The following CPNE2 variants were observed in gnomAD, a reference collection of about 807,000 sequenced individuals.
CPNE2 encodes copine-2.
A neutral mutation model predicts 69.7 loss-of-function variants in CPNE2; 42 were observed. That is an observed-to-expected ratio of 0.60 (90% CI 0.47 to 0.78). The LOEUF (loss-of-function observed/expected upper bound fraction) is 0.78, where lower values mean the gene tolerates loss of function less well. CPNE2 is among the 30% of genes least tolerant of loss of function. The probability of loss-of-function intolerance (pLI) is 0.00; values close to 1 mark genes in which losing one functional copy is unlikely to be tolerated. For missense variants in CPNE2, 587 were observed against 732.0 expected, an observed-to-expected ratio of 0.80 and a Z score of 2.29; for synonymous variants, 294 against 289.8, an observed-to-expected ratio of 1.01 and a Z score of -0.15.
At position 57,113,390 on chromosome 16, in the gene CPNE2, C is replaced by T; in HGVS notation, c.283C>T (p.Leu95Phe). 6.2e-7 allele frequency: 1 copy of T among 1,614,214 alleles called. No individual in the cohort carries two copies. The highest frequency in any genetic ancestry group is 1.1e-5 in the South Asian group (1 of 91,088). Residue 95 changes from leucine (L) to phenylalanine (F), a missense_variant, in exon 3 of 16, where the codon CTC becomes TTC. Leu to Phe is a conservative substitution (Grantham distance 22). Around this residue, in one of 5 missense-constraint regions of CPNE2, gnomAD observed 34 missense variants for 67.1 expected, o/e 0.51. Coordinates refer to ENST00000290776, the MANE Select transcript of CPNE2 (RefSeq NM_152727.6). The part of the protein sequence containing the change: ...FEEVQKLKFA[L>F]FDQDKSSMRL... ...GGAGGTACAGAAGCTCAAGTTCGCGCTCTTTGACCAGGACAAGTCCAGTAT... is the reference window on the plus strand; with the variant it reads ...GGAGGTACAGAAGCTCAAGTTCGCGTTCTTTGACCAGGACAAGTCCAGTAT...
intron 12 of CPNE2, among the ~76,000 whole-genome samples, chr16:57,133,629 C>G (rs2069854642): frequency 6.6e-6 from 1 of 152,194 alleles, no homozygotes; most frequent in South Asian, 2.1e-4. Context: ...AAGCCCTCCT[C>G]CTGCAGCTGA....
At chr16:57,107,079 A>G (rs1341859000) in intron 1 of CPNE2, among the ~76,000 whole-genome samples, 1 of 152,144 alleles carries the variant, frequency 6.6e-6, no homozygotes, top group South Asian at 2.1e-4. Context: ...AATGGGGGCA[A>G]TTGTCCTGCA....
chr16:57,144,946 A>AG (rs1401649613), intron 14 of CPNE2: 3 of 152,096 alleles, frequency 2.0e-5, no homozygotes, highest in Non-Finnish European at 4.4e-5. Flanking sequence ...TAAAAAAAAA[A>AG]GAAAAAAGAG....
intron 14 of CPNE2, chr16:57,144,324 C>G (rs1343360602): frequency 6.6e-6 from 1 of 152,384 alleles, no homozygotes. Flanking sequence ...ACAGCTCACC[C>G]TGCTCCTTCC....
intron 4 of CPNE2, among the ~76,000 whole-genome samples, chr16:57,115,861 G>A (rs918382248): frequency 1.3e-5 from 2 of 152,232 alleles, no homozygotes; most frequent in South Asian, 2.1e-4. Context: ...GCTGCGACGC[G>A]CAATGATTCC....
chr16:57,097,881 T>C (rs1479255910), intron 1 of CPNE2, among the ~76,000 whole-genome samples: 1 of 152,186 alleles, frequency 6.6e-6, no homozygotes, highest in Non-Finnish European at 1.5e-5. Context: ...GCCACAGCAC[T>C]CCGTGCCTAT....
At chr16:57,137,359 T>C in intron 14 of CPNE2, 77 bp downstream of exon 14, 2 of 1,547,672 alleles carry the variant, frequency 1.3e-6, no homozygotes, top group Non-Finnish European at 1.8e-6. Flanking sequence ...TATTCTGCCT[T>C]CTCTTTGCTT....
intron 1 of CPNE2, among the ~76,000 whole-genome samples, chr16:57,101,435 G>T (rs565898962): frequency 1.3e-5 from 2 of 152,192 alleles, no homozygotes; most frequent in East Asian, 1.9e-4. Context: ...ATCAGGGCCC[G>T]TAGGGAATGG....
intron 1 of CPNE2, among the ~76,000 whole-genome samples, chr16:57,103,990 C>T (rs1056288819): frequency 6.6e-6 from 1 of 152,210 alleles, no homozygotes; most frequent in Non-Finnish European, 1.5e-5. Flanking sequence ...AATCTAGGCT[C>T]ATTGCAACCT....
chr16:57,128,711 T>C (rs1007220811), intron 12 of CPNE2, among the ~76,000 whole-genome samples: 5 of 152,250 alleles, frequency 3.3e-5, no homozygotes, highest in Admixed American at 2.6e-4. Context: ...ACCTAAATAA[T>C]GTACATTGTA....
In CPNE2 at chr16:57,130,895, T is replaced by C. The variant is rs2069833278; in HGVS notation, c.1116+2992T>C. ...GAGCCAGGAGAGGCGTGGAGGTGAATTGAAGCGGGGGTCCCTGAGGTGTGG... is the reference window on the plus strand; with the variant it reads ...GAGCCAGGAGAGGCGTGGAGGTGAACTGAAGCGGGGGTCCCTGAGGTGTGG... On this transcript the variant is annotated intron_variant, in intron 12 of 15. Transcript: ENST00000290776. The surrounding 1 kb of genome is among the most constrained non-coding windows in gnomAD (Gnocchi z 4.1). Among the ~76,000 whole-genome samples, 1 of 151,348 alleles carries C rather than the reference T, an allele frequency of 6.6e-6. No individual in the cohort carries two copies. The highest frequency in any genetic ancestry group is 1.5e-5 in the Non-Finnish European group (1 of 67,798).
At chr16:57,124,552 A>T in intron 10 of CPNE2, 1 of 333,250 alleles carries the variant, frequency 3.0e-6, no homozygotes, top group South Asian at 2.2e-5. Flanking sequence ...GGCACATAGC[A>T]GGTGCTCCAT....
chr16:57,096,831 G>A (rs1281520305), intron 1 of CPNE2, among the ~76,000 whole-genome samples: 1 of 152,048 alleles, frequency 6.6e-6, no homozygotes, highest in Non-Finnish European at 1.5e-5. Context: ...AGGCAGGCCA[G>A]ATATCCTCAG....
intron 14 of CPNE2, among the ~76,000 whole-genome samples, chr16:57,140,418 C>G (rs1009598489): frequency 6.6e-6 from 1 of 152,024 alleles, no homozygotes; most frequent in Non-Finnish European, 1.5e-5. Context: ...GTGATCCGCC[C>G]GCCTCAGCCT....
chr16:57,115,088 T>C (rs2069708943), intron 3 of CPNE2, among the ~76,000 whole-genome samples: 1 of 151,806 alleles, frequency 6.6e-6, no homozygotes, highest in Non-Finnish European at 1.5e-5. Context: ...GGAAAATACA[T>C]AGAATCTGAG....
At chr16:57,094,995 A>T (rs1308708379) in intron 1 of CPNE2, among the ~76,000 whole-genome samples, 3 of 152,234 alleles carry the variant, frequency 2.0e-5, no homozygotes, top group Non-Finnish European at 2.9e-5. Context: ...CCCTCAGCTC[A>T]GGGTCAGGGT....
At chr16:57,101,364 T>A (rs936807880) in intron 1 of CPNE2, among the ~76,000 whole-genome samples, 1 of 152,206 alleles carries the variant, frequency 6.6e-6, no homozygotes. Flanking sequence ...GGAGGCAATT[T>A]AGACCTGGAT....
rs1307518221 is a variant in CPNE2 at position 57,110,750 on chromosome 16, A to G, written c.8A>G (p.His3Arg). The change falls in exon 2 of 16, where the codon CAC (histidine) becomes CGC (arginine). Residue 3 changes from histidine to arginine, a missense_variant. This residue lies in a region of CPNE2 where 96 missense variants were observed against 94.9 expected (regional missense o/e 1.01). Coordinates refer to ENST00000290776, the MANE Select transcript of CPNE2 (RefSeq NM_152727.6). The stretch of plus-strand genomic sequence containing the variant: ...CCACCGCCACCGGCTCCCATGGCCC[A>G]CATACCCAGTGGGGGTGCCCCAGCA... Reference protein sequence around the residue: MAHIPSGGAPAAG... With the variant: MARIPSGGAPAAG... 2 of 1,610,762 alleles carry G rather than the reference A, an allele frequency of 1.2e-6. No homozygotes were observed. The highest frequency in any genetic ancestry group is 1.7e-6 in the Non-Finnish European group (2 of 1,178,420).
intron 1 of CPNE2, among the ~76,000 whole-genome samples, chr16:57,098,232 T>A (rs2069590581): frequency 6.6e-6 from 1 of 152,244 alleles, no homozygotes; most frequent in Non-Finnish European, 1.5e-5. Flanking sequence ...GGCCAACCCC[T>A]GCTGCAGCCT....
Sources: allele counts gnomAD v4.1 joint callset (sites outside exome capture counted in the v4.1 genomes callset), GRCh38; gene constraint gnomAD v4.1.1; regional missense constraint gnomAD v4.1.1; non-coding constraint Gnocchi (gnomAD v3.1); transcripts MANE v1.5; gene names NCBI Gene and HGNC (gene_info 2026-07-23, HGNC 2026-07-21).